The following ATRN variants were observed in gnomAD, a reference collection of about 807,000 sequenced individuals.
ATRN encodes the protein attractin.
In ATRN, 54 loss-of-function variants were observed where a neutral mutation model predicts 178.7. The ratio of observed to expected loss-of-function variants is 0.30; its 90% confidence interval spans 0.24 to 0.38. The LOEUF (loss-of-function observed/expected upper bound fraction) is 0.38, where lower values mean the gene tolerates loss of function less well. Among genes scored for constraint, ATRN ranks in the 10% least tolerant of loss-of-function variants. The probability of loss-of-function intolerance (pLI) is 1.00; values close to 1 mark genes in which losing one functional copy is unlikely to be tolerated. For synonymous variants in ATRN, 636 were observed against 663.0 expected (o/e 0.96, Z 0.63); for missense variants, 1,443 against 1,815.1 (o/e 0.79, Z 3.73).
intron 8 of ATRN, among the ~76,000 whole-genome samples, 185 bp from the exon 9 acceptor site, chr20:3,562,091 A>G (rs918932829): frequency 6.6e-6 from 1 of 152,204 alleles, no homozygotes; most frequent in African/African-American, 2.4e-5. Flanking sequence ...AACATAGAAC[A>G]GACTGGAATT....
intron 1 of ATRN, among the ~76,000 whole-genome samples, chr20:3,500,856 A>C (rs1341732614): frequency 6.6e-6 from 1 of 152,066 alleles, no homozygotes; most frequent in Non-Finnish European, 1.5e-5. Context: ...TTTTTAAAAA[A>C]ATTTAAAAAA....
At chr20:3,609,159 T>A (rs1219166509) in intron 24 of ATRN, among the ~76,000 whole-genome samples, 1 of 151,990 alleles carries the variant, frequency 6.6e-6, no homozygotes, top group Non-Finnish European at 1.5e-5. Flanking sequence ...TCCACAAATG[T>A]GGTGTCTCTT....
At chr20:3,576,727 A>ATCTATCTG in intron 13 of ATRN, 132 bp from the exon 14 acceptor site, 1 of 726,804 alleles carries the variant, frequency 1.4e-6, no homozygotes, top group Non-Finnish European at 2.3e-6. Context: ...CTATCTATCT[A>ATCTATCTG]TCTATCTGTC....
At chr20:3,602,245 G>A (rs2086619849) in intron 23 of ATRN, among the ~76,000 whole-genome samples, 2 of 151,786 alleles carry the variant, frequency 1.3e-5, no homozygotes, top group African/African-American at 4.8e-5. Context: ...TAGGAGAATC[G>A]CTTGAACCTT....
At position 3,605,440 on chromosome 20, in the gene ATRN, A is replaced by G. The variant is rs1600150081; in HGVS notation, c.3801+1178A>G. 3.9e-5 allele frequency among the ~76,000 whole-genome samples: 6 copies of G among 152,356 alleles called. No individual in the cohort carries two copies. In the South Asian group the frequency reaches 1.2e-3, roughly 32 times the overall value. ...AAAAGAATATAAATCATTCTGTAACAAAGATACATGCACATGTATGTTCAT... is the reference window on the plus strand; with the variant it reads ...AAAAGAATATAAATCATTCTGTAACGAAGATACATGCACATGTATGTTCAT... On this transcript the variant is annotated intron_variant, in intron 24 of 28. Transcript: ENST00000262919.
Position 3,471,066 on chromosome 20 carries a change from T to C in ATRN, c.-42T>C, listed in dbSNP as rs1174633476. Reference sequence around the variant, plus strand: ...GCGAAGCGGAGCCGGCCGTGCGGTGTGTGTGTATGTGTTCGCGGGGCGCCG... The same window carrying C: ...GCGAAGCGGAGCCGGCCGTGCGGTGCGTGTGTATGTGTTCGCGGGGCGCCG... On this transcript the variant is annotated 5_prime_UTR_variant, in exon 1 of 29. Coordinates refer to ENST00000262919, the MANE Select transcript of ATRN (RefSeq NM_139321.3). 7 of 1,415,060 alleles carry C rather than the reference T, an allele frequency of 4.9e-6. No homozygotes were observed. The South Asian group carries it at 7.7e-5, about 16-fold the overall frequency. 87.7% of individuals were successfully genotyped at this position (1,415,060 alleles called of 1,614,324 possible).
chr20:3,590,718 A>G (rs2146270906), intron 18 of ATRN, among the ~76,000 whole-genome samples: 1 of 152,290 alleles, frequency 6.6e-6, no homozygotes, highest in South Asian at 2.1e-4. Context: ...AAGGTGGTAA[A>G]ATAGTTGTGA....
In ATRN at chr20:3,639,308, G is replaced by A. The variant is rs541395183; in HGVS notation, c.4050+373G>A. On this transcript the variant is annotated intron_variant, in intron 27 of 28. Coordinates refer to ENST00000262919, the MANE Select transcript of ATRN (RefSeq NM_139321.3). ...CTTACTGTGTCACACAGGCTGGAGC[G>A]CAGTGGCATGATCTCGGCTCACTGC... Among the ~76,000 whole-genome samples, 34 of 152,226 alleles carry A rather than the reference G, an allele frequency of 2.2e-4. 1 individual carries two copies. Among genetic ancestry groups the A allele is most frequent in the African/African-American group, 5.5e-4 (23 of 41,534 alleles).
chr20:3,555,775 G>A (rs906869500), intron 6 of ATRN, among the ~76,000 whole-genome samples: 1 of 152,214 alleles, frequency 6.6e-6, no homozygotes, highest in African/African-American at 2.4e-5. Flanking sequence ...CAAATAAAAT[G>A]TCTGGAGAGC....
rs750953662 is a variant in ATRN at position 3,583,965 on chromosome 20, C to T, written c.2832C>T (p.Ser944=). ...GGACAGCATGTGGAGATTGCACCAG[C>T]GGCAGCTCTGAGTGCATGTGGTGCA... ...ALRTACGDCT[S]GSSECMWCSN... The change falls in exon 17 of 29, where the codon AGC becomes AGT. Residue 944 remains serine, a synonymous_variant. Coordinates refer to ENST00000262919, the MANE Select transcript of ATRN (RefSeq NM_139321.3). 37 of 1,614,042 alleles carry T rather than the reference C, an allele frequency of 2.3e-5. No homozygotes were observed. The highest frequency in any genetic ancestry group is 1.2e-4 in the South Asian group (11 of 91,086).
intron 1 of ATRN, among the ~76,000 whole-genome samples, chr20:3,481,979 C>T (rs17707655): frequency 0.039 from 5,880 of 151,536 alleles, 158 homozygotes; most frequent in Non-Finnish European, 0.057. Flanking sequence ...CATAAGTAAC[C>T]TCCCTTGACC....
intron 10 of ATRN, among the ~76,000 whole-genome samples, chr20:3,564,330 C>A (rs181532431): frequency 6.6e-6 from 1 of 152,304 alleles, no homozygotes; most frequent in Admixed American, 6.5e-5. Flanking sequence ...GGAACACTTT[C>A]TTAAGGAGGG....
At chr20:3,540,905 T>C (rs1317533219) in intron 3 of ATRN, among the ~76,000 whole-genome samples, 1 of 152,130 alleles carries the variant, frequency 6.6e-6, no homozygotes, top group East Asian at 1.9e-4. Context: ...AATAAGTACA[T>C]TTACATTAGT....
chr20:3,567,442 T>C (rs170977), intron 11 of ATRN, among the ~76,000 whole-genome samples: 121,500 of 152,186 alleles, frequency 0.8, 48,832 homozygotes, highest in East Asian at 1. Context: ...TATAATTTAA[T>C]CATGAGTCAA....
intron 1 of ATRN, among the ~76,000 whole-genome samples, chr20:3,504,174 T>C (rs1438818483): frequency 6.6e-6 from 1 of 152,170 alleles, no homozygotes; most frequent in Non-Finnish European, 1.5e-5. Flanking sequence ...AATTTCTGTA[T>C]CTGGTGAAAT....
chr20:3,582,953 G>T (rs1335240641), intron 16 of ATRN, among the ~76,000 whole-genome samples: 3 of 152,152 alleles, frequency 2.0e-5, no homozygotes, highest in African/African-American at 7.2e-5. Context: ...AGGGGTAGCT[G>T]CTGCAGCATG....
At chr20:3,549,072 A>G (rs2085748684) in intron 5 of ATRN, 98 bp from the exon 6 acceptor site, 2 of 1,004,892 alleles carry the variant, frequency 2.0e-6, no homozygotes, top group Non-Finnish European at 2.9e-6. Context: ...AGGAAAGACT[A>G]TTATTTAAAT....
At chr20:3,580,296 G>C (rs1435595101) in intron 15 of ATRN, among the ~76,000 whole-genome samples, 1 of 152,174 alleles carries the variant, frequency 6.6e-6, no homozygotes, top group East Asian at 1.9e-4. Context: ...CAACCAGGTG[G>C]CCACAGATAT....
chr20:3,596,235 G>T, intron 20 of ATRN, 142 bp from the exon 21 acceptor site: 2 of 807,464 alleles, frequency 2.5e-6, no homozygotes, highest in Admixed American at 4.7e-5. Context: ...TTCCTAGACT[G>T]CCTGAGCTGA....
Sources: allele counts gnomAD v4.1 joint callset (sites outside exome capture counted in the v4.1 genomes callset), GRCh38; gene constraint gnomAD v4.1.1; transcripts MANE v1.5; gene names NCBI Gene and HGNC (gene_info 2026-07-23, HGNC 2026-07-21).